FHL5: variants seen among roughly 807,000 people sequenced by gnomAD.
The protein encoded by FHL5 is four and a half LIM domains protein 5.
FHL5 carries 33 observed loss-of-function variants against 32.0 expected under a neutral mutation model. The observed-to-expected ratio is 1.03, with a 90% confidence interval of 0.78 to 1.38. FHL5 has a LOEUF of 1.38. Among genes scored for constraint, FHL5 ranks in the 40% most tolerant of loss-of-function variants. FHL5 has a pLI of 0.00. For synonymous variants in FHL5, 114 were observed against 113.6 expected (o/e 1.00, Z -0.02); for missense variants, 336 against 343.9 (o/e 0.98, Z 0.18).
intron 1 of FHL5, among the ~76,000 whole-genome samples, chr6:96,601,061 C>T (rs1475340146): frequency 6.6e-6 from 1 of 152,132 alleles, no homozygotes; most frequent in Non-Finnish European, 1.5e-5. Flanking sequence ...AGAGGCCAGG[C>T]GCGGTGGCTC....
intron 1 of FHL5, among the ~76,000 whole-genome samples, chr6:96,571,333 A>G (rs1237679656): frequency 6.6e-6 from 1 of 152,200 alleles, no homozygotes; most frequent in Non-Finnish European, 1.5e-5. Context: ...CACTGGCAAC[A>G]TAAGTTTTTA....
At chr6:96,595,554 A>G (rs1771018531) in intron 1 of FHL5, among the ~76,000 whole-genome samples, 1 of 151,828 alleles carries the variant, frequency 6.6e-6, no homozygotes, top group Non-Finnish European at 1.5e-5. Flanking sequence ...TTCTTTTGAA[A>G]TTCTGTAAAG....
intron 1 of FHL5, among the ~76,000 whole-genome samples, chr6:96,589,635 C>G (rs889788105): frequency 6.6e-6 from 1 of 151,878 alleles, no homozygotes; most frequent in Non-Finnish European, 1.5e-5. Context: ...TCTCTCTTTA[C>G]TCTTATTTGT....
At chr6:96,581,099 G>C (rs1259097123) in intron 1 of FHL5, among the ~76,000 whole-genome samples, 1 of 152,112 alleles carries the variant, frequency 6.6e-6, no homozygotes, top group Non-Finnish European at 1.5e-5. Context: ...AAGATGAACT[G>C]ACTAGCTGTG....
chr6:96,603,684 A>T lies in FHL5; in HGVS notation c.71A>T (p.Asp24Val), dbSNP rs1771204952. 1.2e-6 allele frequency: 2 copies of T among 1,611,470 alleles called. No individual in the cohort carries two copies. Among genetic ancestry groups the T allele is most frequent in the East Asian group, 4.5e-5 (2 of 44,794 alleles). ...CTTGGGAAGAAATATGTACTAAAGG[A>T]TGACAGTCCATACTGTGTTACATGT... Reference protein sequence around the residue: ...SLLGKKYVLKDDSPYCVTCYD... With the variant: ...SLLGKKYVLKVDSPYCVTCYD... Residue 24 changes from aspartate to valine, a missense_variant, in exon 2 of 6, where the codon GAT (aspartate) becomes GTT (valine). Coordinates refer to ENST00000450218, the MANE Select transcript of FHL5 (RefSeq NM_001322466.2).
intron 5 of FHL5, among the ~76,000 whole-genome samples, chr6:96,612,191 C>A (rs1771424249): frequency 6.6e-6 from 1 of 152,170 alleles, no homozygotes; most frequent in South Asian, 2.1e-4. Flanking sequence ...TTACCCTGCT[C>A]TCCTGCCTTC....
intron 1 of FHL5, among the ~76,000 whole-genome samples, chr6:96,584,985 C>T (rs567459326): frequency 1.3e-5 from 2 of 151,956 alleles, no homozygotes; most frequent in African/African-American, 2.4e-5. Context: ...TTTCAGCAAC[C>T]CTTTGTAGAG....
At chr6:96,574,811 A>T (rs542088951) in intron 1 of FHL5, among the ~76,000 whole-genome samples, 8 of 152,304 alleles carry the variant, frequency 5.3e-5, no homozygotes, top group African/African-American at 1.9e-4. Flanking sequence ...TCTTATTAAA[A>T]TATATACTGG....
At chr6:96,588,310 A>G (rs1187551801) in intron 1 of FHL5, among the ~76,000 whole-genome samples, 1 of 152,134 alleles carries the variant, frequency 6.6e-6, no homozygotes, top group Non-Finnish European at 1.5e-5. Context: ...TCCCAGGTTC[A>G]AGCAATTCTC....
chr6:96,586,305 A>G (rs1220964027), intron 1 of FHL5, among the ~76,000 whole-genome samples: 2 of 152,210 alleles, frequency 1.3e-5, no homozygotes, highest in Admixed American at 1.3e-4. Context: ...GAGGACTTCA[A>G]ATAGTTCATG....
chr6:96,591,463 A>G lies in FHL5; in HGVS notation c.-12-12139A>G, dbSNP rs568642594. ...ATCTCCAATGTGTACTTTTGCCCAA[A>G]GAACACTGTTTGGTATTATTTTAAC... On this transcript the variant is annotated intron_variant, in intron 1 of 5. Transcript: ENST00000450218. 3.9e-5 allele frequency among the ~76,000 whole-genome samples: 6 copies of G among 152,250 alleles called. No homozygotes were observed. In the East Asian group the frequency reaches 1.2e-3, roughly 29 times the overall value.
chr6:96,604,526 T>C (rs890371186), intron 2 of FHL5, among the ~76,000 whole-genome samples: 4 of 152,114 alleles, frequency 2.6e-5, no homozygotes, highest in African/African-American at 4.8e-5. Context: ...GTATTTGTTT[T>C]TTCCCAGCTG....
At chr6:96,588,604 T>C (rs1429848994) in intron 1 of FHL5, among the ~76,000 whole-genome samples, 1 of 152,190 alleles carries the variant, frequency 6.6e-6, no homozygotes, top group African/African-American at 2.4e-5. Flanking sequence ...ACAGATCTAT[T>C]TAAATTTCAC....
chr6:96,606,283 A>G (rs571322866), intron 4 of FHL5, among the ~76,000 whole-genome samples: 1 of 152,196 alleles, frequency 6.6e-6, no homozygotes, highest in African/African-American at 2.4e-5. Flanking sequence ...CAGCCACAAC[A>G]AGAATTTAAT....
chr6:96,599,367 A>G (rs569372598), intron 1 of FHL5, among the ~76,000 whole-genome samples: 2 of 151,890 alleles, frequency 1.3e-5, no homozygotes, highest in African/African-American at 4.8e-5. Flanking sequence ...AGCTAATTTT[A>G]TATTTTTAGT....
At chr6:96,612,830 G>A (rs1034114903) in intron 5 of FHL5, among the ~76,000 whole-genome samples, 3 of 152,016 alleles carry the variant, frequency 2.0e-5, no homozygotes, top group Admixed American at 1.3e-4. Context: ...TCATCTAATT[G>A]TTAAATATCT....
At chr6:96,592,125 T>C (rs747881115) in intron 1 of FHL5, among the ~76,000 whole-genome samples, 2 of 152,122 alleles carry the variant, frequency 1.3e-5, no homozygotes. Flanking sequence ...GAGCAACCTG[T>C]CTGACCAAAA....
At chr6:96,598,800 T>G (rs895585408) in intron 1 of FHL5, among the ~76,000 whole-genome samples, 1 of 152,372 alleles carries the variant, frequency 6.6e-6, no homozygotes, top group East Asian at 1.9e-4. Flanking sequence ...TGCTAGATCA[T>G]AAGCTCTCTG....
intron 1 of FHL5, among the ~76,000 whole-genome samples, chr6:96,569,559 A>G (rs941673277): frequency 2.6e-5 from 4 of 151,856 alleles, no homozygotes; most frequent in South Asian, 2.1e-4. Context: ...ACTGAAATCT[A>G]TTTCTCCTTT....
Sources: gnomAD v4.1 joint callset for allele counts (sites outside exome capture counted in the v4.1 genomes callset) on GRCh38, gnomAD v4.1.1 for gene constraint, MANE v1.5 for transcripts, NCBI Gene and HGNC (gene_info 2026-07-23, HGNC 2026-07-21) for gene names.